The following ERG variants were observed in gnomAD, a reference collection of about 807,000 sequenced individuals.
ERG encodes transcriptional regulator ERG.
ERG carries 9 observed loss-of-function variants against 55.3 expected under a neutral mutation model. The ratio of observed to expected loss-of-function variants is 0.16; its 90% confidence interval spans 0.10 to 0.28. ERG has a LOEUF of 0.28. ERG is among the 10% of genes least tolerant of loss of function. The probability of loss-of-function intolerance (pLI) is 1.00; values close to 1 mark genes in which losing one functional copy is unlikely to be tolerated. For missense variants in ERG, 434 were observed against 631.6 expected, an observed-to-expected ratio of 0.69 and a Z score of 3.35; for synonymous variants, 223 against 237.3, an observed-to-expected ratio of 0.94 and a Z score of 0.55.
intron 1 of ERG, among the ~76,000 whole-genome samples, chr21:38,463,062 T>C (rs2059057895): frequency 6.6e-6 from 1 of 152,186 alleles, no homozygotes; most frequent in Non-Finnish European, 1.5e-5. Context: ...TCCATCTTGG[T>C]ACACCTGGTG....
At chr21:38,406,043 T>C (rs978954919) in intron 3 of ERG, among the ~76,000 whole-genome samples, 1 of 150,746 alleles carries the variant, frequency 6.6e-6, no homozygotes, top group Admixed American at 6.6e-5. Context: ...TAGTCTCAGC[T>C]ACTTGGGAGG....
chr21:38,432,549 G>A (rs1248446420), intron 2 of ERG, among the ~76,000 whole-genome samples: 2 of 152,206 alleles, frequency 1.3e-5, no homozygotes, highest in East Asian at 3.8e-4. Flanking sequence ...CTAATGATGA[G>A]CATGGCTCCA....
In ERG at chr21:38,385,096, C is replaced by T. The variant is rs543374721; in HGVS notation, c.920-1173G>A. ...TTTTCTTGATTTCATTGAAATCATA[C>T]AGATACAGCTTTGTTTTATGAAATT... On this transcript the variant is annotated intron_variant, in intron 9 of 9. Coordinates refer to ENST00000288319, the MANE Select transcript of ERG (RefSeq NM_182918.4). Among the ~76,000 whole-genome samples the T allele has an allele frequency of 1.1e-3, 171 of 152,304 alleles. 1 individual carries two copies. The highest frequency in any genetic ancestry group is 4.0e-3 in the African/African-American group (167 of 41,570).
chr21:38,457,414 C>T (rs573199124), intron 1 of ERG, among the ~76,000 whole-genome samples: 30 of 145,458 alleles, frequency 2.1e-4, no homozygotes, highest in African/African-American at 6.2e-4. Flanking sequence ...CTGGCCTGGG[C>T]GAAAGAGCAA....
chr21:38,381,959 A>T lies in ERG; in HGVS notation c.*1444T>A, dbSNP rs1284051024. ...TAAATTATAACACAAAATCCACAAC[A>T]TTCAGCACATGTTTTCATTAAGCAA... On this transcript the variant is annotated 3_prime_UTR_variant, in exon 10 of 10. Transcript: ENST00000288319. 2 of 1,062,392 alleles carry T rather than the reference A, an allele frequency of 1.9e-6. No individual in the cohort carries two copies. Among genetic ancestry groups the T allele is most frequent in the African/African-American group, 3.3e-5 (2 of 60,900 alleles). 65.8% of individuals were successfully genotyped at this position (1,062,392 alleles called of 1,614,324 possible). A position where few individuals can be genotyped will look rare whatever the true frequency, so the allele number is the denominator to read the frequency against.
At chr21:38,622,562 G>A (rs962294175) in intron 1 of ERG, among the ~76,000 whole-genome samples, 13 of 114,926 alleles carry the variant, frequency 1.1e-4, no homozygotes, top group Admixed American at 3.8e-4. Flanking sequence ...TACACACCAC[G>A]CACACATGCT....
At chr21:38,492,775 T>C (rs552017410) in intron 1 of ERG, among the ~76,000 whole-genome samples, 2 of 151,930 alleles carry the variant, frequency 1.3e-5, no homozygotes, top group African/African-American at 4.8e-5. Flanking sequence ...GTAGGGGAAA[T>C]ATGTGGAAAG....
At chr21:38,397,596 C>CAAAAAAA (rs61047146) in intron 6 of ERG, among the ~76,000 whole-genome samples, 10 of 67,122 alleles carry the variant, frequency 1.5e-4, no homozygotes, top group East Asian at 4.3e-4. Flanking sequence ...GACTCCATCT[C>CAAAAAAA]AAAAAAAAAA....
chr21:38,623,837 G>C (rs2060308376), intron 1 of ERG, among the ~76,000 whole-genome samples: 1 of 152,030 alleles, frequency 6.6e-6, no homozygotes, highest in African/African-American at 2.4e-5. Flanking sequence ...AATAAACAAG[G>C]CAATACCTAA....
chr21:38,443,852 T>C (rs1462982732), intron 2 of ERG, among the ~76,000 whole-genome samples: 2 of 152,218 alleles, frequency 1.3e-5, no homozygotes, highest in African/African-American at 4.8e-5. Flanking sequence ...ACCCAGGTCC[T>C]TCTGTAACTC....
chr21:38,461,090 G>C (rs1001049770), intron 1 of ERG, among the ~76,000 whole-genome samples: 4 of 152,112 alleles, frequency 2.6e-5, no homozygotes, highest in Non-Finnish European at 5.9e-5. Context: ...ATTTGCTAGG[G>C]TTGCCAAGAC....
At chr21:38,572,791 C>A (rs2059966839) in intron 2 of ERG, among the ~76,000 whole-genome samples, 1 of 152,092 alleles carries the variant, frequency 6.6e-6, no homozygotes. Flanking sequence ...ATATTGACAT[C>A]AACCAATATG....
At chr21:38,436,805 G>A (rs922778579) in intron 2 of ERG, among the ~76,000 whole-genome samples, 12 of 151,982 alleles carry the variant, frequency 7.9e-5, no homozygotes, top group Admixed American at 2.0e-4. Flanking sequence ...CCTGAACATC[G>A]CTCTGTACTG....
At chr21:38,379,052 A>C (rs1273154862), downstream of ERG, among the ~76,000 whole-genome samples, 1 of 152,204 alleles carries the variant, frequency 6.6e-6, no homozygotes, top group Non-Finnish European at 1.5e-5. Context: ...AAAACGCTGA[A>C]GTCTTTTCAC....
At chr21:38,417,557 G>T (rs1430459812) in intron 3 of ERG, among the ~76,000 whole-genome samples, 1 of 152,206 alleles carries the variant, frequency 6.6e-6, no homozygotes, top group African/African-American at 2.4e-5. Context: ...GGGTGACCGA[G>T]GTGGGTGGAT....
Position 38,445,445 on chromosome 21 carries a change from G to A in ERG, c.195C>T (p.Thr65=). The A allele has an allele frequency of 1.2e-6, 2 of 1,614,136 alleles. No homozygotes were observed. Among genetic ancestry groups the A allele is most frequent in the Non-Finnish European group, 1.7e-6 (2 of 1,180,016 alleles). The part of the protein sequence containing the change: ...DWLSQPPARV[T]IKMECNPSQV... ...GGCTAGGGTTACATTCCATTTTGAT[G>A]GTGACCCTGGCTGGGGGTTGAGACA... Residue 65 remains threonine, a synonymous_variant, in exon 2 of 10, where the codon ACC becomes ACT. Coordinates refer to ENST00000288319, the MANE Select transcript of ERG (RefSeq NM_182918.4).
In ERG at chr21:38,650,473, T is replaced by C. The variant is rs537268640; in HGVS notation, c.-150+11185A>G. ...CAACATGGCGAAACCCTGTCTCTAC[T>C]AACAATACAAAAAATTAGCCGGGTA... On this transcript the variant is annotated intron_variant, in intron 1 of 10. Coordinates refer to the ERG transcript ENST00000398910. Among the ~76,000 whole-genome samples, 7 of 152,156 alleles carry C rather than the reference T, an allele frequency of 4.6e-5. No individual in the cohort carries two copies. In the South Asian group the frequency reaches 1.5e-3, roughly 32 times the overall value.
intron 1 of ERG, among the ~76,000 whole-genome samples, chr21:38,576,247 C>T (rs1336200269): frequency 6.6e-6 from 1 of 152,226 alleles, no homozygotes; most frequent in Non-Finnish European, 1.5e-5. Context: ...TCCTTGAGCG[C>T]TAAGGGCTCC....
At chr21:38,580,071 C>T (rs1164394933) in intron 1 of ERG, among the ~76,000 whole-genome samples, 6 of 152,182 alleles carry the variant, frequency 3.9e-5, no homozygotes, top group South Asian at 2.1e-4. Context: ...CCACCCGCCT[C>T]GGCCTCCCAA....
Sources: allele counts gnomAD v4.1 joint callset (sites outside exome capture counted in the v4.1 genomes callset), GRCh38; gene constraint gnomAD v4.1.1; transcripts MANE v1.5; gene names NCBI Gene and HGNC (gene_info 2026-07-23, HGNC 2026-07-21).